ADCY2: variants seen among roughly 807,000 people sequenced by gnomAD.
ADCY2 encodes adenylate cyclase 2, also known as adenylate cyclase type 2.
ADCY2 carries 31 observed loss-of-function variants against 125.2 expected under a neutral mutation model. The ratio of observed to expected loss-of-function variants is 0.25; its 90% CI spans 0.19 to 0.33. The LOEUF (loss-of-function observed/expected upper bound fraction) is 0.33. Among genes scored for constraint, ADCY2 ranks in the 10% least tolerant of loss-of-function variants. The pLI, the probability that ADCY2 is intolerant of heterozygous loss-of-function variation, is 1.00. For missense variants in ADCY2, 904 were observed against 1,418.2 expected (o/e 0.64, Z 5.82); for synonymous variants, 512 against 548.4 (o/e 0.93, Z 0.93).
At chr5:7,491,332 A>G (rs1050269449) in intron 2 of ADCY2, among the ~76,000 whole-genome samples, 2 of 151,828 alleles carry the variant, frequency 1.3e-5, no homozygotes, top group African/African-American at 4.8e-5. Context: ...ATTCACTGCA[A>G]CCTCCGCCTC....
At chr5:7,400,061 T>A (rs887783628) in intron 1 of ADCY2, among the ~76,000 whole-genome samples, 2 of 152,184 alleles carry the variant, frequency 1.3e-5, no homozygotes, top group Admixed American at 1.3e-4. Context: ...CCAGCTGTTT[T>A]CAAAATTTGC....
chr5:7,417,888 T>C (rs1382536344), intron 2 of ADCY2, among the ~76,000 whole-genome samples: 1 of 152,252 alleles, frequency 6.6e-6, no homozygotes, highest in Non-Finnish European at 1.5e-5. Flanking sequence ...TGTCCAGCCA[T>C]TGGCAGCCAG....
chr5:7,613,171 A>G (rs1432355760), intron 3 of ADCY2, among the ~76,000 whole-genome samples: 4 of 151,994 alleles, frequency 2.6e-5, no homozygotes, highest in Non-Finnish European at 5.9e-5. Flanking sequence ...AAAAAAAAAA[A>G]GATTGCACAC....
At chr5:7,591,787 T>C (rs1217983843) in intron 3 of ADCY2, among the ~76,000 whole-genome samples, 1 of 152,212 alleles carries the variant, frequency 6.6e-6, no homozygotes, top group Non-Finnish European at 1.5e-5. Context: ...TTGGATATTA[T>C]GCCTCTGAGT....
intron 7 of ADCY2, among the ~76,000 whole-genome samples, chr5:7,702,349 G>T (rs1156732385): frequency 1.3e-5 from 2 of 151,116 alleles, no homozygotes; most frequent in African/African-American, 4.9e-5. Context: ...ATTTACATTA[G>T]GTATATCTCC....
intron 2 of ADCY2, among the ~76,000 whole-genome samples, chr5:7,516,302 A>G (rs1380717621): frequency 6.6e-6 from 1 of 152,228 alleles, no homozygotes; most frequent in African/African-American, 2.4e-5. Context: ...GCAGAGTATT[A>G]TATATAAAAG....
chr5:7,703,596 G>C (rs907031444), intron 7 of ADCY2, among the ~76,000 whole-genome samples: 1 of 152,086 alleles, frequency 6.6e-6, no homozygotes, highest in African/African-American at 2.4e-5. Context: ...CTCTGTTTTC[G>C]TACCAGTACC....
chr5:7,422,996 G>A (rs184308548), intron 2 of ADCY2, among the ~76,000 whole-genome samples: 4 of 152,142 alleles, frequency 2.6e-5, no homozygotes, highest in Admixed American at 1.3e-4. Context: ...CTGTCTCTGT[G>A]CACCCAAGAA....
intron 18 of ADCY2, among the ~76,000 whole-genome samples, chr5:7,779,814 C>T (rs1743859011): frequency 6.6e-6 from 1 of 152,168 alleles, no homozygotes; most frequent in Non-Finnish European, 1.5e-5. Context: ...GTGTCCAAGC[C>T]AGAGAGGAGA....
chr5:7,727,997 C>T (rs1741981112), intron 14 of ADCY2, among the ~76,000 whole-genome samples: 1 of 151,998 alleles, frequency 6.6e-6, no homozygotes, highest in African/African-American at 2.4e-5. Context: ...AAATTCTTGT[C>T]CTTCTTTTAA....
chr5:7,708,447 A>G (rs1201837554), intron 9 of ADCY2, among the ~76,000 whole-genome samples: 2 of 152,206 alleles, frequency 1.3e-5, no homozygotes, highest in Non-Finnish European at 2.9e-5. Flanking sequence ...GGCCAGATCA[A>G]GGGGCTTAGA....
At chr5:7,673,929 G>C (rs1022443249) in intron 4 of ADCY2, among the ~76,000 whole-genome samples, 1 of 152,136 alleles carries the variant, frequency 6.6e-6, no homozygotes, top group Admixed American at 6.5e-5. Flanking sequence ...ATAAACTTAC[G>C]TTGTCAGGGC....
At position 7,783,577 on chromosome 5, in the gene ADCY2, C is replaced by T. The variant is rs192614565; in HGVS notation, c.2385-788C>T. 1.1e-4 allele frequency among the ~76,000 whole-genome samples: 16 copies of T among 152,174 alleles called. No homozygotes were observed. In the Middle Eastern group the frequency reaches 0.014, roughly 129 times the overall value. ...ACGACACACAAGCAGAAAGTGATGA[C>T]CTGCTGTTTGTAGTTGATCAAATGC... On this transcript the variant is annotated intron_variant, in intron 18 of 24. Coordinates refer to ENST00000338316, the MANE Select transcript of ADCY2 (RefSeq NM_020546.3).
intron 3 of ADCY2, among the ~76,000 whole-genome samples, chr5:7,544,514 G>A (rs1735091637): frequency 6.6e-6 from 1 of 152,132 alleles, no homozygotes; most frequent in African/African-American, 2.4e-5. Context: ...GAGAACCCCT[G>A]TGATTAACTG....
intron 1 of ADCY2, among the ~76,000 whole-genome samples, chr5:7,401,268 T>C (rs1299715031): frequency 2.6e-5 from 4 of 152,202 alleles, no homozygotes; most frequent in Non-Finnish European, 5.9e-5. Context: ...TGTAGTCACA[T>C]TGCATTAGAG....
intron 3 of ADCY2, among the ~76,000 whole-genome samples, chr5:7,542,149 C>T (rs1366401488): frequency 6.6e-6 from 1 of 152,168 alleles, no homozygotes; most frequent in Non-Finnish European, 1.5e-5. Flanking sequence ...TGAACTTAGA[C>T]AGGCTGGCTG....
chr5:7,823,363 T>C (rs1019006092), intron 24 of ADCY2, among the ~76,000 whole-genome samples: 34 of 152,322 alleles, frequency 2.2e-4, no homozygotes, highest in African/African-American at 7.7e-4. Context: ...TCCCCTCTCA[T>C]GCTAGGGTGC....
chr5:7,790,838 G>T (rs1744229660), intron 20 of ADCY2, among the ~76,000 whole-genome samples: 1 of 152,146 alleles, frequency 6.6e-6, no homozygotes, highest in Non-Finnish European at 1.5e-5. Context: ...ACAAGAGATG[G>T]TTACATTCTT....
chr5:7,752,181 T>A (rs1361485950), intron 15 of ADCY2, among the ~76,000 whole-genome samples: 2 of 152,184 alleles, frequency 1.3e-5, no homozygotes, highest in Non-Finnish European at 2.9e-5. Flanking sequence ...CATAAAGAAG[T>A]CTTCCTATGG....
Sources: allele counts gnomAD v4.1 joint callset (sites outside exome capture counted in the v4.1 genomes callset), GRCh38; gene constraint gnomAD v4.1.1; transcripts MANE v1.5; gene names NCBI Gene and HGNC (gene_info 2026-07-23, HGNC 2026-07-21).